Variants in TRIM67 observed in about 807,000 individuals in gnomAD.
TRIM67 encodes the protein tripartite motif containing 67.
TRIM67 carries 39 observed loss-of-function variants against 71.0 expected under a neutral mutation model. The ratio of observed to expected loss-of-function variants is 0.55; its 90% CI spans 0.43 to 0.72. The LOEUF is 0.72. TRIM67 is among the 30% of genes least tolerant of loss of function. The pLI, the probability that TRIM67 is intolerant of heterozygous loss-of-function variation, is 0.00. For synonymous variants in TRIM67, 481 were observed against 473.9 expected (o/e 1.01, Z -0.19); for missense variants, 973 against 1,079.2 (o/e 0.90, Z 1.38).
intron 1 of TRIM67, among the ~76,000 whole-genome samples, chr1:231,167,317 G>GTTTTTTTTTTTTTTTTTTTT (rs1340006817): frequency 2.5e-4 from 17 of 66,774 alleles, no homozygotes; most frequent in East Asian, 4.5e-4. Flanking sequence ...TCACTCTAAT[G>GTTTTTTTTTTTTTTTTTTTT]TCTTTTTTTT....
In TRIM67 at chr1:231,162,621, G is replaced by C; in HGVS notation, c.-349G>C. 1 of 263,280 alleles carries C rather than the reference G, an allele frequency of 3.8e-6. No homozygotes were observed. The highest frequency in any genetic ancestry group is 7.2e-6 in the Non-Finnish European group (1 of 139,184). 16.3% of individuals were successfully genotyped at this position (263,280 alleles called of 1,614,324 possible). A position where few individuals can be genotyped will look rare whatever the true frequency, so the allele number is the denominator to read the frequency against. ...GTCCTGGGGTGGAGAGGAGGCGCGCGCTGCAGCCGGCGGCGGCGCTGGTGC... is the reference window on the plus strand; with the variant it reads ...GTCCTGGGGTGGAGAGGAGGCGCGCCCTGCAGCCGGCGGCGGCGCTGGTGC... On this transcript the variant is annotated 5_prime_UTR_variant, in exon 1 of 10. Coordinates refer to ENST00000366653, the MANE Select transcript of TRIM67 (RefSeq NM_001004342.5).
At chr1:231,181,930 C>G (rs1682917213) in intron 1 of TRIM67, among the ~76,000 whole-genome samples, 1 of 152,166 alleles carries the variant, frequency 6.6e-6, no homozygotes, top group Non-Finnish European at 1.5e-5. Context: ...ATAAGCCTAG[C>G]ACTTCTGGAG....
Position 231,209,843 on chromosome 1 carries a change from A to C in TRIM67, c.2123+593A>C, listed in dbSNP as rs113195193. On this transcript the variant is annotated intron_variant, in intron 8 of 9. Transcript: ENST00000366653. The surrounding 1 kb of genome is among the most constrained non-coding windows in gnomAD (Gnocchi z 4.1). ...TGAGACTGGCCCTGGGAGTAGGGTC[A>C]CCAGCATGGACACAGGAGACTCAGG... Among the ~76,000 whole-genome samples the C allele has an allele frequency of 1.9e-4, 29 of 152,272 alleles. No homozygotes were observed. The highest frequency in any genetic ancestry group is 6.5e-4 in the African/African-American group (27 of 41,556).
intron 8 of TRIM67, among the ~76,000 whole-genome samples, chr1:231,211,052 T>A (rs1394504599): frequency 8.4e-5 from 12 of 143,330 alleles, no homozygotes; most frequent in South Asian, 6.6e-4. Flanking sequence ...ATATATATAT[T>A]TTGTTTGTTT....
rs1205655461 is a variant in TRIM67, at chr1:231,187,567, T to C, written c.1045-9804T>C. ...GGTGAGAGAAATCCCCTGTGGTCCA[T>C]TTCACAACCTCCTTTGTGCCCAATG... On this transcript the variant is annotated intron_variant, in intron 1 of 9. Coordinates refer to ENST00000366653, the MANE Select transcript of TRIM67 (RefSeq NM_001004342.5). The C allele has an allele frequency of 3.3e-6, 5 of 1,532,680 alleles. No individual in the cohort carries two copies. In the Admixed American group the frequency reaches 9.8e-5, roughly 30 times the overall value. The allele number at this position is 1,532,680 out of a possible 1,614,324, so 94.9% of individuals were successfully genotyped here. A position where few individuals can be genotyped will look rare whatever the true frequency, so the allele number is the denominator to read the frequency against.
intron 1 of TRIM67, among the ~76,000 whole-genome samples, chr1:231,179,497 A>G (rs1033167768): frequency 2.6e-5 from 4 of 152,224 alleles, no homozygotes; most frequent in African/African-American, 4.8e-5. Flanking sequence ...ACACGAAAAC[A>G]TTAATTAGTT....
chr1:231,176,467 G>A (rs1401915519), intron 1 of TRIM67, among the ~76,000 whole-genome samples: 2 of 152,130 alleles, frequency 1.3e-5, no homozygotes, highest in Non-Finnish European at 2.9e-5. Flanking sequence ...TGGTGAGTAG[G>A]TTCATTATTC....
At chr1:231,195,310 T>G (rs527290889) in intron 1 of TRIM67, among the ~76,000 whole-genome samples, 1 of 152,284 alleles carries the variant, frequency 6.6e-6, no homozygotes, top group South Asian at 2.1e-4. Context: ...AAAGTCCAGC[T>G]CCTCAGTCAC....
In TRIM67 at chr1:231,163,132, T is replaced by C; in HGVS notation, c.163T>C (p.Ser55Pro). Reference sequence around the variant, plus strand: ...CCAGCCGCTCCTGCTTTCCCGGGGATCGGGGCTGCAGGCGGGCGCCGCCGC... The same window carrying C: ...CCAGCCGCTCCTGCTTTCCCGGGGACCGGGGCTGCAGGCGGGCGCCGCCGC... ...LPQPLLLSRGSGLQAGAAAAA... is the reference protein window; with the variant it reads ...LPQPLLLSRGPGLQAGAAAAA... The change falls in exon 1 of 10, where the codon TCG becomes CCG. Residue 55 changes from serine (S) to proline (P), a missense_variant. This residue lies in a region of TRIM67 where 795 missense variants were observed against 831.3 expected (regional missense o/e 0.96). Transcript: ENST00000366653. The C allele has an allele frequency of 6.5e-7, 1 of 1,548,258 alleles. No individual in the cohort carries two copies.
intron 2 of TRIM67, 89 bp downstream of exon 2, chr1:231,197,555 G>T (rs1460416568): frequency 1.6e-6 from 2 of 1,251,672 alleles, no homozygotes; most frequent in Admixed American, 3.6e-5. Context: ...GCGGGGCACG[G>T]TGGCTCACAC....
In TRIM67 at chr1:231,163,766, G is replaced by A. The variant is rs1215617576; in HGVS notation, c.797G>A (p.Gly266Glu). The change falls in exon 1 of 10, where the codon GGG (glycine) becomes GAG (glutamate). Residue 266 changes from glycine (G) to glutamate (E), a missense_variant. Physicochemically the swap from Gly to Glu is moderately conservative, Grantham distance 98 (BLOSUM62 -2). Around this residue, in one of 2 missense-constraint regions of TRIM67, gnomAD observed 795 missense variants for 831.3 expected, o/e 0.96. Coordinates refer to ENST00000366653, the MANE Select transcript of TRIM67 (RefSeq NM_001004342.5). Reference protein sequence around the residue: ...PPPPPAEAASGPTGTAQGAPS... With the variant: ...PPPPPAEAASEPTGTAQGAPS... ...CCGCCGCCCGCCGAGGCAGCCTCCG[G>A]GCCCACTGGCACCGCCCAGGGCGCC... 2 of 1,492,380 alleles carry A rather than the reference G, an allele frequency of 1.3e-6. No individual in the cohort carries two copies. Among genetic ancestry groups the A allele is most frequent in the South Asian group, 1.3e-5 (1 of 77,576 alleles). The allele number at this position is 1,492,380 out of a possible 1,614,324, so 92.4% of individuals were successfully genotyped here.
At chr1:231,198,243 A>C (rs1683421843) in intron 2 of TRIM67, among the ~76,000 whole-genome samples, 2 of 152,232 alleles carry the variant, frequency 1.3e-5, no homozygotes, top group Non-Finnish European at 2.9e-5. Context: ...CAAGATACAA[A>C]GATCAATGAG....
chr1:231,179,969 T>C (rs370940145), intron 1 of TRIM67, among the ~76,000 whole-genome samples: 1 of 152,144 alleles, frequency 6.6e-6, no homozygotes, highest in African/African-American at 2.4e-5. Context: ...AGGGAGTCTT[T>C]TCATCCTCTC....
In TRIM67 at chr1:231,163,875, G is replaced by A. The variant is rs114646292; in HGVS notation, c.906G>A (p.Thr302=). 528 of 1,574,818 alleles carry A rather than the reference G, an allele frequency of 3.4e-4. 3 individuals carry two copies. The African/African-American group carries it at 5.8e-3, about 17-fold the overall frequency. ...TGGSTARKFP[T]CPEHEMENYS... ...GCAGCACGGCCCGCAAGTTCCCCACGTGTCCCGAGCATGAAATGGAGAACT... is the reference window on the plus strand; with the variant it reads ...GCAGCACGGCCCGCAAGTTCCCCACATGTCCCGAGCATGAAATGGAGAACT... Residue 302 remains threonine, a synonymous_variant, in exon 1 of 10, where the codon ACG becomes ACA. Transcript: ENST00000366653.
At chr1:231,204,113 G>A (rs1683630729) in intron 6 of TRIM67, 101 bp downstream of exon 6, 3 of 1,518,144 alleles carry the variant, frequency 2.0e-6, no homozygotes, top group South Asian at 2.5e-5. Context: ...TGGGGACATT[G>A]TGTTGCCATC....
chr1:231,167,915 G>A (rs1276269629), intron 1 of TRIM67, among the ~76,000 whole-genome samples: 1 of 151,874 alleles, frequency 6.6e-6, no homozygotes. Flanking sequence ...TGGAGTCATA[G>A]TTGCACTGTG....
intron 8 of TRIM67, among the ~76,000 whole-genome samples, chr1:231,211,143 G>A (rs1202192368): frequency 6.6e-6 from 1 of 151,914 alleles, no homozygotes; most frequent in Non-Finnish European, 1.5e-5. Context: ...ATACTGTCAG[G>A]GTTGAGCCCA....
At chr1:231,202,372 G>C (rs1683578972) in intron 5 of TRIM67, among the ~76,000 whole-genome samples, 1 of 152,070 alleles carries the variant, frequency 6.6e-6, no homozygotes, top group Non-Finnish European at 1.5e-5. Context: ...AGGCAGCAGA[G>C]GGATAGCAAG....
In TRIM67 at chr1:231,163,861, C is replaced by T. The variant is rs762424924; in HGVS notation, c.892C>T (p.Arg298Cys). ...GGGGGCGACTGGGGGCAGCACGGCC[C>T]GCAAGTTCCCCACGTGTCCCGAGCA... The part of the protein sequence containing the change: ...GAGATGGSTA[R>C]KFPTCPEHEM... The change falls in exon 1 of 10, where the codon CGC becomes TGC. Residue 298 changes from arginine (R) to cysteine (C), a missense_variant. Transcript: ENST00000366653. The T allele has an allele frequency of 2.6e-6, 4 of 1,565,114 alleles. No individual in the cohort carries two copies. The highest frequency in any genetic ancestry group is 1.9e-5 in the Admixed American group (1 of 53,154).
Sources: gnomAD v4.1 joint callset for allele counts (sites outside exome capture counted in the v4.1 genomes callset) on GRCh38, gnomAD v4.1.1 for gene constraint, gnomAD v4.1.1 regional missense constraint, Gnocchi (gnomAD v3.1) non-coding constraint, MANE v1.5 for transcripts, NCBI Gene and HGNC (gene_info 2026-07-23, HGNC 2026-07-21) for gene names.